The following TRMT1L variants were observed in gnomAD, a reference collection of about 807,000 sequenced individuals.
TRMT1L encodes tRNA (guanine(27)-N(2))-dimethyltransferase.
A neutral mutation model predicts 81.6 loss-of-function variants in TRMT1L; 28 were observed. The ratio of observed to expected loss-of-function variants is 0.34; its 90% CI spans 0.25 to 0.47. The LOEUF is 0.47. Ranked by LOEUF, TRMT1L falls within the 20% of genes least tolerant of loss-of-function variation. The probability of loss-of-function intolerance (pLI) is 1.00; values close to 1 mark genes in which losing one functional copy is unlikely to be tolerated. For synonymous variants in TRMT1L, 301 were observed against 303.2 expected, an observed-to-expected ratio of 0.99 and a Z score of 0.07; for missense variants, 739 against 877.1, an observed-to-expected ratio of 0.84 and a Z score of 1.99.
At position 185,120,142 on chromosome 1, in the gene TRMT1L, G is replaced by A. The variant is rs756951763; in HGVS notation, c.2079C>T (p.Thr693=). The change falls in exon 15 of 15, where the codon ACC becomes ACT. Residue 693 remains threonine (T), a synonymous_variant. Coordinates refer to ENST00000367506, the MANE Select transcript of TRMT1L (RefSeq NM_030934.5). ...QFKSILLKYS[T]PTYTGGQSES... is the part of the protein sequence containing the mutation. ...CTGACTGTCCTCCAGTGTAGGTGGG[G>A]GTGCTGTACTTTAAAAGGATAGATT... The A allele has an allele frequency of 1.2e-6, 2 of 1,613,934 alleles. No individual in the cohort carries two copies. Among genetic ancestry groups the A allele is most frequent in the Non-Finnish European group, 1.7e-6 (2 of 1,179,912 alleles).
intron 3 of TRMT1L, among the ~76,000 whole-genome samples, chr1:185,149,477 A>G (rs1187107590): frequency 6.6e-6 from 1 of 151,324 alleles, no homozygotes; most frequent in Non-Finnish European, 1.5e-5. Flanking sequence ...TAATTTTTTC[A>G]CTTTTTTATA....
intron 3 of TRMT1L, among the ~76,000 whole-genome samples, chr1:185,148,402 A>C (rs916621455): frequency 2.6e-5 from 4 of 152,170 alleles, no homozygotes; most frequent in Admixed American, 1.3e-4. Flanking sequence ...CCCAAACCCA[A>C]GCATTCTTGG....
chr1:185,120,705 T>G (rs778821582), intron 13 of TRMT1L, 196 bp from the exon 14 acceptor site: 33 of 419,582 alleles, frequency 7.9e-5, no homozygotes, highest in Non-Finnish European at 1.1e-4. Flanking sequence ...GAATCAGAAC[T>G]TCCTTTCTAC....
chr1:185,120,669 T>A, intron 13 of TRMT1L, 160 bp from the exon 14 acceptor site: 1 of 611,514 alleles, frequency 1.6e-6, no homozygotes, highest in Non-Finnish European at 2.3e-6. Flanking sequence ...GGTCCTTCAC[T>A]TATGTAATTT....
intron 10 of TRMT1L, among the ~76,000 whole-genome samples, chr1:185,136,006 T>C (rs931049771): frequency 2.0e-5 from 3 of 152,198 alleles, no homozygotes; most frequent in Non-Finnish European, 4.4e-5. Context: ...TGAAAATGCA[T>C]TATGACAAAA....
chr1:185,126,277 C>T (rs1434359024), intron 11 of TRMT1L, among the ~76,000 whole-genome samples: 1 of 152,124 alleles, frequency 6.6e-6, no homozygotes, highest in Non-Finnish European at 1.5e-5. Flanking sequence ...TTATATTCCT[C>T]ATCATGAAAT....
At position 185,156,785 on chromosome 1, in the gene TRMT1L, G is replaced by T; in HGVS notation, c.-73C>A. Reference sequence around the variant, plus strand: ...CACGGCGGGGTCAGAGAACTGACGTGAATGCCCACAGGGCTGGATCCAAGG... The same window carrying T: ...CACGGCGGGGTCAGAGAACTGACGTTAATGCCCACAGGGCTGGATCCAAGG... On this transcript the variant is annotated 5_prime_UTR_variant, in exon 1 of 15. Coordinates refer to ENST00000367506, the MANE Select transcript of TRMT1L (RefSeq NM_030934.5). 1 of 1,590,452 alleles carries T rather than the reference G, an allele frequency of 6.3e-7. No individual in the cohort carries two copies. Among genetic ancestry groups the T allele is most frequent in the Non-Finnish European group, 8.6e-7 (1 of 1,168,758 alleles).
At chr1:185,121,570 G>C (rs1571340590) in intron 13 of TRMT1L, among the ~76,000 whole-genome samples, 1 of 152,068 alleles carries the variant, frequency 6.6e-6, no homozygotes, top group South Asian at 2.1e-4. Flanking sequence ...GACAACCTGG[G>C]ATCCATCCAT....
intron 2 of TRMT1L, among the ~76,000 whole-genome samples, 166 bp downstream of exon 2, chr1:185,151,659 T>C (rs865866025): frequency 3.3e-4 from 51 of 152,304 alleles, no homozygotes; most frequent in Middle Eastern, 3.4e-3. Flanking sequence ...CATAGCAACT[T>C]TGCACATAAG....
intron 10 of TRMT1L, among the ~76,000 whole-genome samples, chr1:185,135,658 T>C (rs1306390384): frequency 6.6e-6 from 1 of 151,890 alleles, no homozygotes; most frequent in Admixed American, 6.6e-5. Flanking sequence ...ATTCCAATAC[T>C]AGTTAAACTA....
At chr1:185,129,262 T>G (rs1304525814) in intron 10 of TRMT1L, among the ~76,000 whole-genome samples, 1 of 152,226 alleles carries the variant, frequency 6.6e-6, no homozygotes, top group Non-Finnish European at 1.5e-5. Flanking sequence ...TATACACCCA[T>G]GTAACCAACA....
chr1:185,130,674 T>C lies in TRMT1L; in HGVS notation c.1514-1927A>G, dbSNP rs544248969. ...AATTAAAACTCCAGATCTTCTCTAATACAATCAAGCGTCTGTGTCCTCCCC... is the reference window on the plus strand; with the variant it reads ...AATTAAAACTCCAGATCTTCTCTAACACAATCAAGCGTCTGTGTCCTCCCC... On this transcript the variant is annotated intron_variant, in intron 10 of 14. Coordinates refer to ENST00000367506, the MANE Select transcript of TRMT1L (RefSeq NM_030934.5). 7.2e-5 allele frequency among the ~76,000 whole-genome samples: 11 copies of C among 152,326 alleles called. 1 individual carries two copies. Among genetic ancestry groups the C allele is most frequent in the African/African-American group, 2.6e-4 (11 of 41,576 alleles).
Position 185,156,686 on chromosome 1 carries a change from C to A in TRMT1L, c.27G>T (p.Leu9=). Residue 9 remains leucine, a synonymous_variant, in exon 1 of 15, where the codon CTG becomes CTT. Coordinates refer to ENST00000367506, the MANE Select transcript of TRMT1L (RefSeq NM_030934.5). Reference sequence around the variant, plus strand: ...CCACCTCCTCCTTCTCCAGGGGCAGCAGCTCCTCCTCCGCCATATTCTCCA... The same window carrying A: ...CCACCTCCTCCTTCTCCAGGGGCAGAAGCTCCTCCTCCGCCATATTCTCCA... The part of the protein sequence containing the change: MENMAEEE[L]LPLEKEEVEV... 1 of 1,612,362 alleles carries A rather than the reference C, an allele frequency of 6.2e-7. No individual in the cohort carries two copies. Among genetic ancestry groups the A allele is most frequent in the Non-Finnish European group, 8.5e-7 (1 of 1,179,710 alleles).
chr1:185,137,671 T>C lies in TRMT1L; in HGVS notation c.1448A>G (p.Gln483Arg), dbSNP rs1652933841. 1.1e-5 allele frequency: 18 copies of C among 1,614,188 alleles called. No individual in the cohort carries two copies. The highest frequency in any genetic ancestry group is 1.5e-5 in the Non-Finnish European group (18 of 1,180,020). The change falls in exon 10 of 15, where the codon CAA (glutamine) becomes CGA (arginine). Residue 483 changes from glutamine (Q) to arginine (R), a missense_variant. Physicochemically the swap from Gln to Arg is conservative, Grantham distance 43 (BLOSUM62 1). Coordinates refer to ENST00000367506, the MANE Select transcript of TRMT1L (RefSeq NM_030934.5). ...TSADETAKKI[Q>R]YLIHCQWCEE... The stretch of plus-strand genomic sequence containing the variant: ...ACACCACTGACAATGGATCAGGTAT[T>C]GAATCTTCTTGGCTGTTTCATCTGC...
chr1:185,152,213 G>A (rs1014452760), intron 1 of TRMT1L, among the ~76,000 whole-genome samples: 1 of 152,192 alleles, frequency 6.6e-6, no homozygotes, highest in Non-Finnish European at 1.5e-5. Context: ...TGAAGGAAAC[G>A]TTAAGTCATG....
chr1:185,131,906 C>A (rs1652780104), intron 10 of TRMT1L, among the ~76,000 whole-genome samples: 1 of 151,972 alleles, frequency 6.6e-6, no homozygotes, highest in Non-Finnish European at 1.5e-5. Context: ...TTTGGGGAGA[C>A]GAGGTAGGCA....
chr1:185,143,940 C>A lies in TRMT1L; in HGVS notation c.745G>T (p.Asp249Tyr). ...TTCATTTTGGGGTTAAAATAGGAATCTGTTTTCTGAGGTATAGAATAGTTG... is the reference window on the plus strand; with the variant it reads ...TTCATTTTGGGGTTAAAATAGGAATATGTTTTCTGAGGTATAGAATAGTTG... ...CPNYSIPQKT[D>Y]SYFNPKMKLN... Residue 249 changes from aspartate (D) to tyrosine (Y), a missense_variant, in exon 6 of 15, where the codon GAT becomes TAT. Transcript: ENST00000367506. 6.2e-7 allele frequency: 1 copy of A among 1,609,042 alleles called. No homozygotes were observed. Among genetic ancestry groups the A allele is most frequent in the South Asian group, 1.1e-5 (1 of 90,374 alleles).
At position 185,156,677 on chromosome 1, in the gene TRMT1L, C is replaced by A; in HGVS notation, c.36G>T (p.Leu12=). Residue 12 remains leucine, a synonymous_variant, in exon 1 of 15, where the codon CTG becomes CTT. Transcript: ENST00000367506. ...GGGCCACCTCCACCTCCTCCTTCTCCAGGGGCAGCAGCTCCTCCTCCGCCA... is the reference window on the plus strand; with the variant it reads ...GGGCCACCTCCACCTCCTCCTTCTCAAGGGGCAGCAGCTCCTCCTCCGCCA... The part of the protein sequence containing the change: ...ENMAEEELLP[L]EKEEVEVAQV... The A allele has an allele frequency of 1.2e-6, 2 of 1,612,252 alleles. No individual in the cohort carries two copies. The highest frequency in any genetic ancestry group is 1.7e-6 in the Non-Finnish European group (2 of 1,179,640).
At chr1:185,139,322 A>C (rs748109752) in intron 9 of TRMT1L, 45 bp downstream of exon 9, 24 of 1,499,390 alleles carry the variant, frequency 1.6e-5, no homozygotes, top group Non-Finnish European at 2.1e-5. Flanking sequence ...ATCTCTTTTT[A>C]TCAAATACTG....
Sources: allele counts gnomAD v4.1 joint callset (sites outside exome capture counted in the v4.1 genomes callset), GRCh38; gene constraint gnomAD v4.1.1; transcripts MANE v1.5; gene names NCBI Gene and HGNC (gene_info 2026-07-23, HGNC 2026-07-21).